Variants in CGB1 observed in about 807,000 individuals in gnomAD.
CGB1 encodes the protein choriogonadotropin subunit beta variant 1.
CGB1 carries 4 observed loss-of-function variants against 7.0 expected under a neutral mutation model. The observed-to-expected ratio is 0.57, with a 90% CI of 0.28 to 1.31. CGB1 has a LOEUF of 1.31. Among genes scored for constraint, CGB1 ranks in the 50% most tolerant of loss-of-function variants. The pLI is 0.10. For synonymous variants in CGB1, 72 were observed against 96.4 expected (o/e 0.75, Z 1.48); for missense variants, 139 against 219.1 (o/e 0.63, Z 2.31).
In CGB1 at chr19:49,036,209, G is replaced by A. The variant is rs556214869; in HGVS notation, c.104C>T (p.Ala35Val). The part of the protein sequence containing the change: ...PRCRPINATL[A>V]VEKEGCPVCI... ...CACGGGGCAGCCCTCCTTCTCCACA[G>A]CCAGGGTGGCATTGATGGGGCGGCA... The change falls in exon 2 of 3, where the codon GCT becomes GTT. Residue 35 changes from alanine to valine, a missense_variant. By Grantham distance (64) the Ala-to-Val change is moderately conservative (BLOSUM62 0). Transcript: ENST00000301407. The A allele has an allele frequency of 2.7e-5, 43 of 1,610,048 alleles. No individual in the cohort carries two copies. The South Asian group carries it at 4.3e-4, about 16-fold the overall frequency.
chr19:49,036,836 A>C lies in CGB1; in HGVS notation c.-125T>G, dbSNP rs10853805. 0.63 allele frequency: 886,064 copies of C among 1,416,702 alleles called. 280,830 individuals carry two copies. The highest frequency in any genetic ancestry group is 0.86 in the African/African-American group (61,321 of 70,912). The allele number at this position is 1,416,702 out of a possible 1,614,324, so 87.8% of individuals were successfully genotyped here. A position where few individuals can be genotyped will look rare whatever the true frequency, so the allele number is the denominator to read the frequency against. ...TTGGACGCGGCACGGGAACCTGGCC[A>C]GAGTCAGCGGACCCAATTGGCTGCT... On this transcript the variant is annotated 5_prime_UTR_variant, in exon 1 of 3. Coordinates refer to ENST00000301407, the MANE Select transcript of CGB1 (RefSeq NM_033377.2).
In CGB1 at chr19:49,035,572, G is replaced by A; in HGVS notation, c.*38C>T. The A allele has an allele frequency of 1.2e-6, 2 of 1,612,044 alleles. No homozygotes were observed. The highest frequency in any genetic ancestry group is 1.7e-5 in the Admixed American group (1 of 60,004). On this transcript the variant is annotated 3_prime_UTR_variant, in exon 3 of 3. Coordinates refer to ENST00000301407, the MANE Select transcript of CGB1 (RefSeq NM_033377.2). ...CCACAGAAAGACACCTCCAGAGTGC[G>A]GATTGAGAAGCCTTTATTGTGGGAG...
intron 1 of CGB1, 50 bp from the exon 2 acceptor site, chr19:49,036,353 C>A: frequency 6.2e-7 from 1 of 1,602,374 alleles, no homozygotes. Flanking sequence ...AGCCCCCAGT[C>A]CTGGCCTTCC....
rs750411436 is a variant in CGB1 at position 49,035,827 on chromosome 19, G to A, written c.251C>T (p.Ser84Phe). Reference sequence around the variant, plus strand: ...GCGCGGGCAGCCAGGGAGCCGGATGGACTCGAAGCGCACATCGCGGTAGTT... The same window carrying A: ...GCGCGGGCAGCCAGGGAGCCGGATGAACTCGAAGCGCACATCGCGGTAGTT... ...VCNYRDVRFE[S>F]IRLPGCPRGV... is the part of the protein sequence containing the mutation. The change falls in exon 3 of 3, where the codon TCC becomes TTC. Residue 84 changes from serine to phenylalanine, a missense_variant. By Grantham distance (155) the Ser-to-Phe change is radical. Coordinates refer to ENST00000301407, the MANE Select transcript of CGB1 (RefSeq NM_033377.2). 6.4e-6 allele frequency: 10 copies of A among 1,558,176 alleles called. No homozygotes were observed. The South Asian group carries it at 1.1e-4, about 18-fold the overall frequency.
In CGB1 at chr19:49,036,365, A is replaced by C. The variant is rs188125396; in HGVS notation, c.10-62T>G. The C allele has an allele frequency of 1.5e-5, 24 of 1,601,882 alleles. No individual in the cohort carries two copies. In the Middle Eastern group the frequency reaches 9.0e-4, roughly 60 times the overall value. ...TGCAGCCCCCAGTCCTGGCCTTCCC[A>C]TCCCGCATGGTACACCACCCACAAA... On this transcript the variant is annotated intron_variant, in intron 1 of 2. Transcript: ENST00000301407.
Position 49,036,187 on chromosome 19 carries a change from G to A in CGB1, c.126C>T (p.Pro42=). 1 of 1,609,862 alleles carries A rather than the reference G, an allele frequency of 6.2e-7. No homozygotes were observed. Among genetic ancestry groups the A allele is most frequent in the Non-Finnish European group, 8.5e-7 (1 of 1,179,762 alleles). The part of the protein sequence containing the change: ...ATLAVEKEGC[P]VCITVNTTIC... The stretch of plus-strand genomic sequence containing the variant: ...TGGTGGTGTTGACGGTGATGCACAC[G>A]GGGCAGCCCTCCTTCTCCACAGCCA... The change falls in exon 2 of 3, where the codon CCC becomes CCT. Residue 42 remains proline, a synonymous_variant. Transcript: ENST00000301407.
Position 49,036,845 on chromosome 19 carries a change from G to T in CGB1, c.-134C>A. ...GCACGGGAACCTGGCCAGAGTCAGC[G>T]GACCCAATTGGCTGCTCTCTCTCAG... On this transcript the variant is annotated 5_prime_UTR_variant, in exon 1 of 3. Transcript: ENST00000301407. 4 of 1,280,202 alleles carry T rather than the reference G, an allele frequency of 3.1e-6. No individual in the cohort carries two copies. The South Asian group carries it at 4.9e-5, about 16-fold the overall frequency. The allele number at this position is 1,280,202 out of a possible 1,614,324, so 79.3% of individuals were successfully genotyped here.
intron 2 of CGB1, 25 bp from the exon 3 acceptor site, chr19:49,035,925 T>A: frequency 1.7e-6 from 2 of 1,210,130 alleles, no homozygotes; most frequent in Middle Eastern, 2.8e-4. Flanking sequence ...AGTGGGGGAA[T>A]GAGCATGTGC....
rs761022684 is a variant in CGB1 at position 49,036,658 on chromosome 19, G to A, written c.9+45C>T. On this transcript the variant is annotated intron_variant, in intron 1 of 2. Transcript: ENST00000301407. The stretch of plus-strand genomic sequence containing the variant: ...GCCCAGGGGCCCTGCAGTCTTTCCT[G>A]GAACATCTCCATCTTTGGTGCCCGG... 16 of 1,613,942 alleles carry A rather than the reference G, an allele frequency of 9.9e-6. No individual in the cohort carries two copies. The East Asian group carries it at 2.0e-4, about 20-fold the overall frequency.
chr19:49,036,589 T>A, intron 1 of CGB1, 114 bp downstream of exon 1: 4 of 1,613,892 alleles, frequency 2.5e-6, no homozygotes, highest in Non-Finnish European at 2.5e-6. Context: ...CACACGGGTC[T>A]GCCCCTTCTC....
chr19:49,036,345 C>T (rs768667297), intron 1 of CGB1, 42 bp from the exon 2 acceptor site: 58 of 1,602,596 alleles, frequency 3.6e-5, no homozygotes, highest in Non-Finnish European at 3.5e-5. Flanking sequence ...GAGACTGCAG[C>T]CCCCAGTCCT....
chr19:49,036,848 C>G lies in CGB1; in HGVS notation c.-137G>C. ...CGGGAACCTGGCCAGAGTCAGCGGACCCAATTGGCTGCTCTCTCTCAGATG... is the reference window on the plus strand; with the variant it reads ...CGGGAACCTGGCCAGAGTCAGCGGAGCCAATTGGCTGCTCTCTCTCAGATG... On this transcript the variant is annotated 5_prime_UTR_variant, in exon 1 of 3. Transcript: ENST00000301407. 7.9e-7 allele frequency: 1 copy of G among 1,260,698 alleles called. No homozygotes were observed. The highest frequency in any genetic ancestry group is 1.2e-5 in the South Asian group (1 of 81,050). The allele number at this position is 1,260,698 out of a possible 1,614,324, so 78.1% of individuals were successfully genotyped here. A position where few individuals can be genotyped will look rare whatever the true frequency, so the allele number is the denominator to read the frequency against.
In CGB1 at chr19:49,036,808, G is replaced by A. The variant is rs373088178; in HGVS notation, c.-97C>T. ...GGGGGAGTGAGACAGGGAGTGAGGG[G>A]TGTTGGACGCGGCACGGGAACCTGG... On this transcript the variant is annotated 5_prime_UTR_variant, in exon 1 of 3. Transcript: ENST00000301407. 3.2e-5 allele frequency: 50 copies of A among 1,578,992 alleles called. No individual in the cohort carries two copies. The highest frequency in any genetic ancestry group is 4.3e-5 in the Non-Finnish European group (49 of 1,148,928).
Position 49,035,626 on chromosome 19 carries a change from C to G in CGB1, c.452G>C (p.Arg151Pro), listed in dbSNP as rs772276702. Residue 151 changes from arginine (R) to proline (P), a missense_variant, in exon 3 of 3, where the codon CGT becomes CCT. Arg to Pro is a moderately radical substitution (Grantham distance 103, BLOSUM62 -2). This residue lies in a region of CGB1 where 44 missense variants were observed against 35.0 expected (regional missense o/e 1.26). Transcript: ENST00000301407. The part of the protein sequence containing the change: ...APPPSLPSPS[R>P]LPGP The stretch of plus-strand genomic sequence containing the variant: ...CGGGGTGTCCTAGGGCCCCGGGAGA[C>G]GGGATGGACTTGGAAGGCTGGGGGG... 1.2e-6 allele frequency: 2 copies of G among 1,611,258 alleles called. No individual in the cohort carries two copies. The highest frequency in any genetic ancestry group is 8.5e-7 in the Non-Finnish European group (1 of 1,179,896).
rs34566775 is a variant in CGB1, at chr19:49,036,762, G to T, written c.-51C>A. The T allele has an allele frequency of 5.3e-3, 8,503 of 1,613,376 alleles. 356 individuals carry two copies. In the East Asian group the frequency reaches 0.086, roughly 16 times the overall value. On this transcript the variant is annotated 5_prime_UTR_variant, in exon 1 of 3. Transcript: ENST00000301407. ...CGCAAGCACTGGGAATGTGGACATG[G>T]AAAGTAAATTGAGTCTCCGTGGGGG...
Position 49,036,892 on chromosome 19 carries a change from C to A in CGB1, c.-181G>T, listed in dbSNP as rs1488096349. The A allele has an allele frequency of 6.2e-6, 5 of 810,866 alleles. No individual in the cohort carries two copies. The highest frequency in any genetic ancestry group is 2.8e-5 in the East Asian group (1 of 35,160). 50.2% of individuals were successfully genotyped at this position (810,866 alleles called of 1,614,324 possible). ...TCAGATGCAGTTCCCCTTCCTCCCT[C>A]CAGGGGGCGCCACGGAACGCAGGGC... is the stretch of plus-strand genomic sequence containing the variant. On this transcript the variant is annotated 5_prime_UTR_variant, in exon 1 of 3. Transcript: ENST00000301407.
At chr19:49,036,655 C>A in intron 1 of CGB1, 48 bp downstream of exon 1, 1 of 1,613,982 alleles carries the variant, frequency 6.2e-7, no homozygotes, top group South Asian at 1.1e-5. Context: ...TGCAGTCTTT[C>A]CTGGAACATC....
rs768762805 is a variant in CGB1, at chr19:49,035,631, T to G, written c.447A>C (p.Pro149=). Residue 149 remains proline (P), a synonymous_variant, in exon 3 of 3, where the codon CCA becomes CCC. Coordinates refer to ENST00000301407, the MANE Select transcript of CGB1 (RefSeq NM_033377.2). ...TGTCCTAGGGCCCCGGGAGACGGGA[T>G]GGACTTGGAAGGCTGGGGGGAGGGG... is the stretch of plus-strand genomic sequence containing the variant. The part of the protein sequence containing the change: ...SKAPPPSLPS[P]SRLPGP 4.3e-6 allele frequency: 7 copies of G among 1,611,204 alleles called. No individual in the cohort carries two copies. The highest frequency in any genetic ancestry group is 5.9e-6 in the Non-Finnish European group (7 of 1,179,884).
intron 1 of CGB1, 86 bp downstream of exon 1, chr19:49,036,617 G>C: frequency 1.2e-6 from 2 of 1,613,996 alleles, no homozygotes; most frequent in Admixed American, 1.7e-5. Flanking sequence ...TGATGGCCTG[G>C]AAGGAGGTGG....
Sources: gnomAD v4.1 joint callset for allele counts on GRCh38, gnomAD v4.1.1 for gene constraint, gnomAD v4.1.1 regional missense constraint, MANE v1.5 for transcripts, NCBI Gene and HGNC (gene_info 2026-07-23, HGNC 2026-07-21) for gene names.